MAP2K4: variants seen among roughly 807,000 people sequenced by gnomAD.
MAP2K4 encodes mitogen-activated protein kinase kinase 4.
In MAP2K4, 4 loss-of-function variants were observed where a neutral mutation model predicts 48.5. The observed-to-expected ratio is 0.08, with a 90% CI of 0.04 to 0.19. The LOEUF (loss-of-function observed/expected upper bound fraction) is 0.19, where lower values mean the gene tolerates loss of function less well. MAP2K4 is among the 10% of genes least tolerant of loss of function. The pLI, the probability that MAP2K4 is intolerant of heterozygous loss-of-function variation, is 1.00. For missense variants in MAP2K4, 258 were observed against 493.3 expected (o/e 0.52, Z 4.52); for synonymous variants, 166 against 173.1 (o/e 0.96, Z 0.32).
At chr17:12,068,002 T>C (rs1303190414) in intron 2 of MAP2K4, among the ~76,000 whole-genome samples, 1 of 152,210 alleles carries the variant, frequency 6.6e-6, no homozygotes, top group African/African-American at 2.4e-5. Flanking sequence ...TGAAGGCTTC[T>C]AAACTTGAGT....
At chr17:12,120,538 C>CA (rs369830780) in intron 7 of MAP2K4, among the ~76,000 whole-genome samples, 7 of 138,358 alleles carry the variant, frequency 5.1e-5, no homozygotes, top group African/African-American at 1.3e-4. Flanking sequence ...CCTCATTCCC[C>CA]CCCCCATAAA....
At chr17:12,096,097 C>CTTTATA (rs1225579068) in intron 4 of MAP2K4, among the ~76,000 whole-genome samples, 53 of 119,250 alleles carry the variant, frequency 4.4e-4, no homozygotes, top group Admixed American at 7.3e-4. Flanking sequence ...CCGCCGCCAA[C>CTTTATA]TTTATATTTT....
chr17:12,104,375 AG>A (rs1972039414), intron 4 of MAP2K4, among the ~76,000 whole-genome samples: 1 of 152,166 alleles, frequency 6.6e-6, no homozygotes. Flanking sequence ...CATTGTACAG[AG>A]GAAAGGGGGA....
intron 9 of MAP2K4, among the ~76,000 whole-genome samples, chr17:12,135,375 C>T (rs1479056148): frequency 2.6e-5 from 4 of 151,040 alleles, no homozygotes; most frequent in South Asian, 2.1e-4. Flanking sequence ...CGAGCCACTG[C>T]GCCTGGCCCA....
intron 7 of MAP2K4, chr17:12,124,390 C>T (rs1972785454): frequency 6.6e-6 from 1 of 152,156 alleles, no homozygotes; most frequent in Non-Finnish European, 1.5e-5. Flanking sequence ...TTCTGCGGTA[C>T]ATAGGATAAT....
intron 4 of MAP2K4, among the ~76,000 whole-genome samples, chr17:12,099,101 ATG>A (rs1161112286): frequency 1.3e-5 from 2 of 151,848 alleles, no homozygotes; most frequent in East Asian, 3.9e-4. Context: ...TATTCTGTCC[ATG>A]TGTGCACATG....
chr17:12,104,144 T>G (rs928155114), intron 4 of MAP2K4, among the ~76,000 whole-genome samples: 3 of 152,250 alleles, frequency 2.0e-5, no homozygotes, highest in Admixed American at 6.5e-5. Flanking sequence ...CAGCCATTCC[T>G]GACTGTTAGT....
chr17:12,042,829 T>G (rs1969833989), intron 1 of MAP2K4, among the ~76,000 whole-genome samples: 1 of 152,008 alleles, frequency 6.6e-6, no homozygotes, highest in Admixed American at 6.5e-5. Flanking sequence ...GGGCGGATCA[T>G]GAGGTCAGGA....
chr17:12,130,631 T>C (rs980484223), intron 9 of MAP2K4, among the ~76,000 whole-genome samples: 1 of 152,232 alleles, frequency 6.6e-6, no homozygotes, highest in Admixed American at 6.5e-5. Context: ...GAGTGACAGT[T>C]TTAGACATTG....
intron 2 of MAP2K4, among the ~76,000 whole-genome samples, chr17:12,071,480 T>C (rs1159510531): frequency 1.3e-5 from 2 of 152,130 alleles, no homozygotes; most frequent in Non-Finnish European, 1.5e-5. Flanking sequence ...AGAAAATTCA[T>C]AGGAGAAAGA....
chr17:12,108,153 A>T (rs1972185342), intron 5 of MAP2K4, among the ~76,000 whole-genome samples: 1 of 152,156 alleles, frequency 6.6e-6, no homozygotes, highest in African/African-American at 2.4e-5. Flanking sequence ...TGTTCTGTAA[A>T]TAAAGCTAGG....
intron 1 of MAP2K4, among the ~76,000 whole-genome samples, chr17:12,042,446 A>G (rs1479751767): frequency 6.6e-6 from 1 of 151,862 alleles, no homozygotes; most frequent in African/African-American, 2.4e-5. Context: ...TAAAAAATTA[A>G]CTGAACCTGG....
intron 7 of MAP2K4, among the ~76,000 whole-genome samples, chr17:12,120,541 C>G (rs1437797251): frequency 7.1e-6 from 1 of 141,442 alleles, no homozygotes; most frequent in African/African-American, 2.5e-5. Flanking sequence ...CATTCCCCCC[C>G]CCATAAAAAA....
Position 12,127,530 on chromosome 17 carries a change from CTTG to C in MAP2K4, c.892-1603_892-1601del, listed in dbSNP as rs543114879. Among the ~76,000 whole-genome samples, 25 of 152,116 alleles carry C rather than the reference CTTG, an allele frequency of 1.6e-4. No individual in the cohort carries two copies. In the East Asian group the frequency reaches 2.3e-3, roughly 14 times the overall value. On this transcript the variant is annotated intron_variant, in intron 8 of 10. Transcript: ENST00000353533. Reference sequence around the variant, plus strand: ...TTTCTTTTAGTACTTTTAGCTAAACCTTGTTGTTTAAAAGGTATTCTGTACTTA... The same window carrying C: ...TTTCTTTTAGTACTTTTAGCTAAACCTTGTTTAAAAGGTATTCTGTACTTA...
At chr17:12,130,834 A>G (rs945225618) in intron 9 of MAP2K4, among the ~76,000 whole-genome samples, 15 of 152,196 alleles carry the variant, frequency 9.9e-5, no homozygotes, top group Non-Finnish European at 1.9e-4. Context: ...CTCATAATCC[A>G]ATATTGATTT....
chr17:12,065,243 A>ATT (rs1970572859), intron 2 of MAP2K4, among the ~76,000 whole-genome samples: 1 of 142,496 alleles, frequency 7.0e-6, no homozygotes, highest in Non-Finnish European at 1.5e-5. Context: ...AACAATAACA[A>ATT]TTATATATAT....
chr17:12,117,432 C>G (rs963513928), intron 7 of MAP2K4, among the ~76,000 whole-genome samples: 1 of 152,012 alleles, frequency 6.6e-6, no homozygotes, highest in Non-Finnish European at 1.5e-5. Flanking sequence ...ACCCTTGTGG[C>G]CCCCTTTAGC....
intron 1 of MAP2K4, among the ~76,000 whole-genome samples, chr17:12,047,267 T>C (rs552161057): frequency 8.5e-5 from 13 of 152,318 alleles, no homozygotes; most frequent in African/African-American, 2.9e-4. Context: ...ACTTTTACCC[T>C]GGTTTAGGAC....
chr17:12,139,307 T>C lies in MAP2K4; in HGVS notation c.1041-532T>C, dbSNP rs28921101. Among the ~76,000 whole-genome samples the C allele has an allele frequency of 6.2e-3, 949 of 152,310 alleles. 2 individuals are homozygous for C. Among genetic ancestry groups the C allele is most frequent in the East Asian group, 0.036 (188 of 5,182 alleles). ...TTTTATATACTGATGTAGTCTTCAG[T>C]GAAGTTATATTGTTTTAAACTTTTG... On this transcript the variant is annotated intron_variant, in intron 9 of 10. Coordinates refer to ENST00000353533, the MANE Select transcript of MAP2K4 (RefSeq NM_003010.4).
Sources: gnomAD v4.1 joint callset for allele counts (sites outside exome capture counted in the v4.1 genomes callset) on GRCh38, gnomAD v4.1.1 for gene constraint, MANE v1.5 for transcripts, NCBI Gene and HGNC (gene_info 2026-07-23, HGNC 2026-07-21) for gene names.